Variants in BCL2 observed in about 807,000 individuals in gnomAD.
The protein encoded by BCL2 is BCL2 apoptosis regulator.
BCL2 carries 1 observed loss-of-function variant against 14.2 expected under a neutral mutation model. The observed-to-expected ratio is 0.07, with a 90% CI of 0.02 to 0.33. The LOEUF is 0.33. Among genes scored for constraint, BCL2 ranks in the 10% least tolerant of loss-of-function variants. BCL2 has a pLI of 0.99. For synonymous variants in BCL2, 151 were observed against 137.2 expected (o/e 1.10, Z -0.70); for missense variants, 247 against 305.9 (o/e 0.81, Z 1.44).
chr18:63,294,069 C>G (rs1416858714), intron 2 of BCL2, among the ~76,000 whole-genome samples: 1 of 152,148 alleles, frequency 6.6e-6, no homozygotes, highest in Non-Finnish European at 1.5e-5. Context: ...AATTCAGCGC[C>G]TTATTTTGTG....
intron 2 of BCL2, among the ~76,000 whole-genome samples, chr18:63,231,723 C>A (rs1910692918): frequency 6.6e-6 from 1 of 152,002 alleles, no homozygotes; most frequent in Non-Finnish European, 1.5e-5. Context: ...ATATCTCATG[C>A]TCAGGAGTGA....
At chr18:63,274,592 T>C (rs190801680) in intron 2 of BCL2, among the ~76,000 whole-genome samples, 1 of 152,256 alleles carries the variant, frequency 6.6e-6, no homozygotes, top group Admixed American at 6.5e-5. Context: ...GCCGATTTTA[T>C]AATGATACTC....
At chr18:63,302,061 C>T (rs1375534491) in intron 2 of BCL2, among the ~76,000 whole-genome samples, 1 of 152,078 alleles carries the variant, frequency 6.6e-6, no homozygotes, top group East Asian at 1.9e-4. Flanking sequence ...TGGTGGCTCA[C>T]GCCTGTAATC....
intron 2 of BCL2, among the ~76,000 whole-genome samples, chr18:63,278,440 A>T (rs139866229): frequency 6.6e-6 from 1 of 152,314 alleles, no homozygotes; most frequent in Non-Finnish European, 1.5e-5. Flanking sequence ...TTAAGCAAGA[A>T]TCCTACTAGT....
intron 2 of BCL2, among the ~76,000 whole-genome samples, chr18:63,247,343 C>T (rs1192807000): frequency 1.3e-5 from 2 of 151,824 alleles, no homozygotes; most frequent in Admixed American, 6.6e-5. Flanking sequence ...GGATTATAGG[C>T]GCCCGCCACC....
chr18:63,165,745 T>C (rs1199865822), intron 2 of BCL2, among the ~76,000 whole-genome samples: 3 of 149,908 alleles, frequency 2.0e-5, no homozygotes, highest in South Asian at 2.1e-4. Context: ...CAAAAAGAGA[T>C]TGAGCAAGAC....
chr18:63,199,325 T>A (rs1423626179), intron 2 of BCL2, among the ~76,000 whole-genome samples: 4 of 121,854 alleles, frequency 3.3e-5, no homozygotes, highest in African/African-American at 1.3e-4. Flanking sequence ...CTACACAACA[T>A]GCACACACAA....
intron 2 of BCL2, among the ~76,000 whole-genome samples, chr18:63,129,231 T>C (rs1913996951): frequency 6.6e-6 from 1 of 152,178 alleles, no homozygotes; most frequent in African/African-American, 2.4e-5. Flanking sequence ...CGATTGAGTG[T>C]TGACATCTTA....
intron 2 of BCL2, among the ~76,000 whole-genome samples, chr18:63,175,135 C>T (rs1438782185): frequency 2.6e-5 from 4 of 152,256 alleles, no homozygotes; most frequent in Admixed American, 2.6e-4. Context: ...AAGTTCATTC[C>T]CTGGAACTTT....
chr18:63,142,532 C>A (rs1203695935), intron 2 of BCL2, among the ~76,000 whole-genome samples: 1 of 152,196 alleles, frequency 6.6e-6, no homozygotes, highest in Non-Finnish European at 1.5e-5. Flanking sequence ...TGCTTACATC[C>A]CACTCAAAAG....
chr18:63,318,657 C>G lies in BCL2; in HGVS notation c.10G>C (p.Ala4Pro). The G allele has an allele frequency of 6.2e-7, 1 of 1,612,902 alleles. No homozygotes were observed. The highest frequency in any genetic ancestry group is 1.3e-5 in the African/African-American group (1 of 75,002). Residue 4 changes from alanine (A) to proline (P), a missense_variant, in exon 2 of 3, where the codon GCT becomes CCT. This residue lies in a region of BCL2 where 144 missense variants were observed against 135.3 expected (regional missense o/e 1.06). Coordinates refer to ENST00000333681, the MANE Select transcript of BCL2 (RefSeq NM_000633.3). The surrounding 1 kb of genome is among the most constrained non-coding windows in gnomAD (Gnocchi z 7.4). ...CGGTTATCGTACCCTGTTCTCCCAG[C>G]GTGCGCCATCCTTCCCAGAGGAAAA... MAHAGRTGYDNREI... is the reference protein window; with the variant it reads MAHPGRTGYDNREI...
At chr18:63,169,313 TTCCTTCC>T (rs1382880312) in intron 2 of BCL2, among the ~76,000 whole-genome samples, 10 of 85,708 alleles carry the variant, frequency 1.2e-4, no homozygotes, top group Admixed American at 5.0e-4. Flanking sequence ...TCTTTCTTCC[TTCCTTCC>T]TTCTTTCCTT....
chr18:63,289,321 C>A (rs188193749), intron 2 of BCL2, among the ~76,000 whole-genome samples: 2 of 152,088 alleles, frequency 1.3e-5, no homozygotes, highest in Admixed American at 1.3e-4. Context: ...TAGAAATCAG[C>A]GGGGTCACTC....
intron 2 of BCL2, among the ~76,000 whole-genome samples, chr18:63,195,490 C>T (rs1156503162): frequency 1.3e-5 from 2 of 152,202 alleles, no homozygotes; most frequent in African/African-American, 4.8e-5. Flanking sequence ...CAATAGCAAT[C>T]ACTTGCAAGG....
intron 2 of BCL2, among the ~76,000 whole-genome samples, chr18:63,147,365 C>T (rs1023166277): frequency 6.6e-6 from 1 of 152,208 alleles, no homozygotes; most frequent in African/African-American, 2.4e-5. Context: ...GGGTTTGATA[C>T]AGTTGGGGCA....
intron 2 of BCL2, among the ~76,000 whole-genome samples, chr18:63,246,697 C>T (rs747664452): frequency 3.3e-5 from 5 of 152,162 alleles, no homozygotes; most frequent in Non-Finnish European, 7.3e-5. Flanking sequence ...TTACACCCTA[C>T]GTTATCCATT....
At chr18:63,141,841 C>T (rs1236576080) in intron 2 of BCL2, among the ~76,000 whole-genome samples, 12 of 152,376 alleles carry the variant, frequency 7.9e-5, no homozygotes, top group African/African-American at 2.6e-4. Flanking sequence ...CTCTACTTGT[C>T]GGTCATGATT....
intron 2 of BCL2, among the ~76,000 whole-genome samples, chr18:63,150,698 C>T (rs1914632044): frequency 6.6e-6 from 1 of 152,016 alleles, no homozygotes; most frequent in African/African-American, 2.4e-5. Flanking sequence ...CCAGCAGTCT[C>T]CAGGTAGGAA....
At chr18:63,279,063 A>G (rs1279502520) in intron 2 of BCL2, among the ~76,000 whole-genome samples, 1 of 152,262 alleles carries the variant, frequency 6.6e-6, no homozygotes, top group Non-Finnish European at 1.5e-5. Context: ...TTATGTAGAT[A>G]TAAATATAAA....
Sources: gnomAD v4.1 joint callset for allele counts (sites outside exome capture counted in the v4.1 genomes callset) on GRCh38, gnomAD v4.1.1 for gene constraint, gnomAD v4.1.1 regional missense constraint, Gnocchi (gnomAD v3.1) non-coding constraint, MANE v1.5 for transcripts, NCBI Gene and HGNC (gene_info 2026-07-23, HGNC 2026-07-21) for gene names.